Variants in DNAH7 observed in about 807,000 individuals in gnomAD.
The protein encoded by DNAH7 is dynein axonemal heavy chain 7, also known as axonemal beta dynein heavy chain 7.
Under a neutral mutation model 444.6 loss-of-function variants are expected in DNAH7, and 397 were observed. That is an observed-to-expected ratio of 0.89 (90% CI 0.82 to 0.97). The LOEUF is 0.97. DNAH7 is among the 50% of genes least tolerant of loss of function. DNAH7 has a pLI of 0.00. For missense variants in DNAH7, 4,902 were observed against 4,800.8 expected (o/e 1.02, Z -0.62); for synonymous variants, 1,636 against 1,624.4 (o/e 1.01, Z -0.17).
intron 63 of DNAH7, among the ~76,000 whole-genome samples, chr2:195,743,178 G>A (rs1160483635): frequency 6.6e-6 from 1 of 152,202 alleles, no homozygotes; most frequent in African/African-American, 2.4e-5. Flanking sequence ...GGTTTGCCAG[G>A]GGCTCTTGGG....
chr2:195,805,008 C>A (rs888889693), intron 54 of DNAH7, among the ~76,000 whole-genome samples: 1 of 152,100 alleles, frequency 6.6e-6, no homozygotes, highest in Non-Finnish European at 1.5e-5. Context: ...TACAAACCAA[C>A]CTGTCCCCCA....
At chr2:196,045,376 G>C (rs899161207) in intron 5 of DNAH7, among the ~76,000 whole-genome samples, 1 of 151,122 alleles carries the variant, frequency 6.6e-6, no homozygotes, top group Admixed American at 6.6e-5. Flanking sequence ...GAGACAGAGA[G>C]AGACAAAGAA....
At chr2:195,759,440 C>T (rs1275338726) in intron 61 of DNAH7, among the ~76,000 whole-genome samples, 1 of 152,164 alleles carries the variant, frequency 6.6e-6, no homozygotes, top group African/African-American at 2.4e-5. Flanking sequence ...CAGTGCCATG[C>T]AGGCTTCAGG....
chr2:195,885,675 AT>A lies in DNAH7; in HGVS notation c.5538+465del, dbSNP rs780624568. On this transcript the variant is annotated intron_variant, in intron 34 of 64. Transcript: ENST00000312428. The stretch of plus-strand genomic sequence containing the variant: ...TCCCATTTTAAAAATTGGTTTATTT[AT>A]TACCTACATATTTTCTTGCTTTCCT... 4.5e-4 allele frequency among the ~76,000 whole-genome samples: 69 copies of A among 152,192 alleles called. 1 individual carries two copies. The highest frequency in any genetic ancestry group is 4.6e-4 in the Admixed American group (7 of 15,288).
intron 9 of DNAH7, among the ~76,000 whole-genome samples, chr2:196,014,433 C>T (rs1322647112): frequency 1.3e-5 from 2 of 152,130 alleles, no homozygotes; most frequent in Non-Finnish European, 2.9e-5. Flanking sequence ...AGGACTGTCT[C>T]TGAACTCTTC....
At position 195,775,988 on chromosome 2, in the gene DNAH7, A is replaced by G. The variant is rs565480736; in HGVS notation, c.11065-5T>C. ...GTATTCGATGTAGCTTTTGTGCTGC[A>G]GAGATGAATAACAAGAAGTCAGGAG... On this transcript the variant is annotated splice_polypyrimidine_tract_variant and splice_region_variant and intron_variant, in intron 59 of 64. Coordinates refer to ENST00000312428, the MANE Select transcript of DNAH7 (RefSeq NM_018897.3). The G allele has an allele frequency of 6.2e-7, 1 of 1,612,674 alleles. No individual in the cohort carries two copies. The highest frequency in any genetic ancestry group is 8.5e-7 in the Non-Finnish European group (1 of 1,179,658).
intron 1 of DNAH7, among the ~76,000 whole-genome samples, chr2:196,062,359 G>T (rs1559381217): frequency 6.6e-6 from 1 of 152,114 alleles, no homozygotes; most frequent in Non-Finnish European, 1.5e-5. Flanking sequence ...AATCCCATTG[G>T]AATTCAACTA....
chr2:195,948,391 C>T (rs1689971913), intron 19 of DNAH7, among the ~76,000 whole-genome samples: 1 of 152,132 alleles, frequency 6.6e-6, no homozygotes, highest in African/African-American at 2.4e-5. Flanking sequence ...AATGGTATTG[C>T]CTAGGTTTTC....
intron 15 of DNAH7, among the ~76,000 whole-genome samples, chr2:195,981,244 A>G (rs1692551780): frequency 6.6e-6 from 1 of 152,142 alleles, no homozygotes; most frequent in Admixed American, 6.6e-5. Flanking sequence ...CTCATTTACA[A>G]TAGCCATAAA....
chr2:196,000,826 C>G lies in DNAH7; in HGVS notation c.1231G>C (p.Asp411His). The G allele has an allele frequency of 6.2e-7, 1 of 1,607,304 alleles. No individual in the cohort carries two copies. Among genetic ancestry groups the G allele is most frequent in the Non-Finnish European group, 8.5e-7 (1 of 1,176,642 alleles). Residue 411 changes from aspartate to histidine, a missense_variant, in exon 12 of 65, where the codon GAC becomes CAC. Transcript: ENST00000312428. ...AACTCAGGTTCAAACTTAATGGTGT[C>G]ATTATCAAGAATCAGCCTCATGATG... ...GFIMRLILDN[D>H]TIKFEPELSD...
At chr2:195,747,529 C>T (rs1693503911) in intron 63 of DNAH7, among the ~76,000 whole-genome samples, 1 of 151,980 alleles carries the variant, frequency 6.6e-6, no homozygotes, top group Non-Finnish European at 1.5e-5. Context: ...GGCAGAGACA[C>T]AACCAAAAAA....
chr2:195,890,044 C>T (rs1042977366), intron 31 of DNAH7, among the ~76,000 whole-genome samples: 1 of 152,184 alleles, frequency 6.6e-6, no homozygotes, highest in Non-Finnish European at 1.5e-5. Context: ...TTTTTGTATA[C>T]ACCAATGATT....
At chr2:195,773,071 G>A (rs1405124110) in intron 60 of DNAH7, among the ~76,000 whole-genome samples, 5 of 152,068 alleles carry the variant, frequency 3.3e-5, no homozygotes, top group South Asian at 2.1e-4. Flanking sequence ...ATGAGCCACC[G>A]TGCCCGGCCT....
At chr2:196,053,460 C>G (rs981751435) in intron 2 of DNAH7, among the ~76,000 whole-genome samples, 2 of 152,214 alleles carry the variant, frequency 1.3e-5, no homozygotes, top group Non-Finnish European at 2.9e-5. Flanking sequence ...ATAATGCTAT[C>G]CTGTTTATGA....
Position 196,001,818 on chromosome 2 carries a change from T to TA in DNAH7, c.1029dup (p.Lys344Ter), listed in dbSNP as rs764909067. The TA allele has an allele frequency of 1.2e-6, 2 of 1,612,104 alleles. No individual in the cohort carries two copies. The highest frequency in any genetic ancestry group is 1.3e-5 in the African/African-American group (1 of 74,916). ...TCACCAGTTGGCAATTGCTTTTTTT[T>TA]ATTACCTTGGTAATAAATATTCTGC... is the stretch of plus-strand genomic sequence containing the variant. On this transcript the variant is annotated frameshift_variant, in exon 11 of 65. Coordinates refer to ENST00000312428, the MANE Select transcript of DNAH7 (RefSeq NM_018897.3). LOFTEE classifies it high-confidence loss of function.
chr2:195,787,551 C>T (rs1407049823), intron 57 of DNAH7, among the ~76,000 whole-genome samples: 3 of 152,018 alleles, frequency 2.0e-5, no homozygotes, highest in East Asian at 1.9e-4. Flanking sequence ...TAATTCGAAC[C>T]GATTAGAGGT....
chr2:195,774,166 G>A (rs1375858122), intron 60 of DNAH7, among the ~76,000 whole-genome samples: 1 of 152,208 alleles, frequency 6.6e-6, no homozygotes, highest in Non-Finnish European at 1.5e-5. Flanking sequence ...ACTGTTTTAC[G>A]TATTCTGTAA....
chr2:196,052,386 C>T (rs79157379), intron 2 of DNAH7, among the ~76,000 whole-genome samples: 11 of 152,266 alleles, frequency 7.2e-5, no homozygotes, highest in African/African-American at 2.6e-4. Context: ...ACTTGAAATG[C>T]GGCTCCTCTG....
intron 15 of DNAH7, among the ~76,000 whole-genome samples, chr2:195,983,154 GAAT>G (rs369709549): frequency 5.1e-4 from 78 of 151,980 alleles, no homozygotes; most frequent in African/African-American, 1.8e-3. Context: ...AGGATTTTTT[GAAT>G]AATAATGGAA....
Sources: allele counts gnomAD v4.1 joint callset (sites outside exome capture counted in the v4.1 genomes callset), GRCh38; gene constraint gnomAD v4.1.1; transcripts MANE v1.5; gene names NCBI Gene and HGNC (gene_info 2026-07-23, HGNC 2026-07-21).